The following CSGALNACT1 variants were observed in gnomAD, a reference collection of about 807,000 sequenced individuals.
CSGALNACT1 encodes chondroitin sulfate N-acetylgalactosaminyltransferase 1, also known as beta4GalNAcT-1.
In CSGALNACT1, 52 loss-of-function variants were observed where a neutral mutation model predicts 51.0. That is an observed-to-expected ratio of 1.02 (90% CI 0.82 to 1.29). The LOEUF is 1.29. CSGALNACT1 is among the 50% of genes most tolerant of loss of function. CSGALNACT1 has a pLI of 0.00. For synonymous variants in CSGALNACT1, 341 were observed against 254.4 expected, an observed-to-expected ratio of 1.34 and a Z score of -3.24; for missense variants, 935 against 679.2, an observed-to-expected ratio of 1.38 and a Z score of -4.19.
At chr8:19,500,755 C>T (rs1378714948) in intron 4 of CSGALNACT1, among the ~76,000 whole-genome samples, 4 of 152,178 alleles carry the variant, frequency 2.6e-5, no homozygotes, top group East Asian at 1.9e-4. Flanking sequence ...TGCTTTAAAA[C>T]GTATCTCAAG....
chr8:19,551,963 C>G (rs1191000399), intron 3 of CSGALNACT1, among the ~76,000 whole-genome samples: 1 of 152,108 alleles, frequency 6.6e-6, no homozygotes, highest in Non-Finnish European at 1.5e-5. Context: ...TGGAATAACT[C>G]TCTAAAATAG....
chr8:19,746,448 G>C (rs978523507), intron 1 of CSGALNACT1, among the ~76,000 whole-genome samples: 12 of 152,148 alleles, frequency 7.9e-5, no homozygotes, highest in Admixed American at 1.3e-4. Context: ...ATGAAAATAA[G>C]GAACCTGGGT....
chr8:19,553,001 T>C (rs940930441), intron 3 of CSGALNACT1, among the ~76,000 whole-genome samples: 1 of 152,164 alleles, frequency 6.6e-6, no homozygotes, highest in Non-Finnish European at 1.5e-5. Context: ...CTCAAGCACA[T>C]GACGTCTGCC....
intron 1 of CSGALNACT1, among the ~76,000 whole-genome samples, chr8:19,662,007 G>T (rs1230437777): frequency 1.4e-5 from 2 of 146,164 alleles, no homozygotes; most frequent in Admixed American, 1.4e-4. Flanking sequence ...AAGAGCTGAG[G>T]TATTTTTAAC....
intron 1 of CSGALNACT1, among the ~76,000 whole-genome samples, chr8:19,664,626 TACACACACACAAACACACAAACACACAC>T (rs2059030398): frequency 1.3e-5 from 2 of 150,188 alleles, no homozygotes; most frequent in Non-Finnish European, 3.0e-5. Context: ...TGGATGTATG[TACACACACACAAACACACAAACACACAC>T]ACACACACAC....
chr8:19,523,809 A>G (rs2154033677), intron 3 of CSGALNACT1, among the ~76,000 whole-genome samples: 1 of 152,280 alleles, frequency 6.6e-6, no homozygotes. Context: ...AGTTCTAAAA[A>G]CAATGTTTAT....
intron 1 of CSGALNACT1, among the ~76,000 whole-genome samples, chr8:19,633,074 G>C (rs78187579): frequency 0.024 from 3,587 of 151,976 alleles, 133 homozygotes; most frequent in African/African-American, 0.082. Flanking sequence ...ACCGTGCCCA[G>C]CTGAGGGCTT....
At chr8:19,662,268 A>T (rs576555807) in intron 1 of CSGALNACT1, among the ~76,000 whole-genome samples, 4 of 152,044 alleles carry the variant, frequency 2.6e-5, no homozygotes, top group African/African-American at 9.6e-5. Flanking sequence ...CTGTAATCTC[A>T]GCTACTCAGG....
intron 1 of CSGALNACT1, among the ~76,000 whole-genome samples, chr8:19,648,525 T>A (rs1454288061): frequency 6.6e-6 from 1 of 152,232 alleles, no homozygotes; most frequent in Non-Finnish European, 1.5e-5. Flanking sequence ...GGAAACAACC[T>A]GGCTCGACAC....
intron 2 of CSGALNACT1, among the ~76,000 whole-genome samples, chr8:19,596,918 C>A (rs1457673050): frequency 6.6e-6 from 1 of 152,180 alleles, no homozygotes; most frequent in African/African-American, 2.4e-5. Context: ...CTGCTAAATT[C>A]ATTCACTGTT....
At chr8:19,632,898 G>A (rs2055482668) in intron 1 of CSGALNACT1, among the ~76,000 whole-genome samples, 2 of 151,416 alleles carry the variant, frequency 1.3e-5, no homozygotes, top group African/African-American at 4.8e-5. Context: ...GGGACTACAG[G>A]CTTGCACCAC....
At chr8:19,426,765 G>A (rs921075481) in intron 6 of CSGALNACT1, among the ~76,000 whole-genome samples, 1 of 152,102 alleles carries the variant, frequency 6.6e-6, no homozygotes, top group African/African-American at 2.4e-5. Flanking sequence ...TGTTTCTACA[G>A]GAGATTTAAT....
At chr8:19,429,871 G>A (rs1294933237) in intron 6 of CSGALNACT1, among the ~76,000 whole-genome samples, 1 of 152,180 alleles carries the variant, frequency 6.6e-6, no homozygotes, top group East Asian at 1.9e-4. Flanking sequence ...CAATTTCTCT[G>A]CCTCCTCAGA....
chr8:19,637,848 T>TC (rs1337063098), intron 1 of CSGALNACT1, among the ~76,000 whole-genome samples: 1 of 151,820 alleles, frequency 6.6e-6, no homozygotes, highest in Non-Finnish European at 1.5e-5. Context: ...AGTTTTTTTT[T>TC]TTTTTTTTAA....
chr8:19,482,256 A>C (rs765899988), intron 4 of CSGALNACT1, among the ~76,000 whole-genome samples: 1 of 152,230 alleles, frequency 6.6e-6, no homozygotes, highest in Non-Finnish European at 1.5e-5. Context: ...GGCTAGTGAA[A>C]TTGAGGACAT....
At chr8:19,652,268 T>A (rs1474929091) in intron 1 of CSGALNACT1, among the ~76,000 whole-genome samples, 1 of 152,156 alleles carries the variant, frequency 6.6e-6, no homozygotes, top group Non-Finnish European at 1.5e-5. Flanking sequence ...TACTTTTTAA[T>A]AGCCATTCTC....
chr8:19,455,511 G>A (rs1246411313), intron 5 of CSGALNACT1, among the ~76,000 whole-genome samples: 1 of 152,018 alleles, frequency 6.6e-6, no homozygotes, highest in Non-Finnish European at 1.5e-5. Context: ...TGCTTTTTTG[G>A]TGTGAAATAA....
chr8:19,735,387 A>C (rs1251127944), intron 1 of CSGALNACT1, among the ~76,000 whole-genome samples: 1 of 152,192 alleles, frequency 6.6e-6, no homozygotes. Flanking sequence ...CTGAACAAAT[A>C]CACTTTAAAT....
At chr8:19,535,253 T>G (rs963302342) in intron 3 of CSGALNACT1, among the ~76,000 whole-genome samples, 2 of 152,170 alleles carry the variant, frequency 1.3e-5, no homozygotes, top group Non-Finnish European at 2.9e-5. Flanking sequence ...GAAATCTGGC[T>G]CTCTAGAAGC....
Sources: gnomAD v4.1 joint callset for allele counts (sites outside exome capture counted in the v4.1 genomes callset) on GRCh38, gnomAD v4.1.1 for gene constraint, MANE v1.5 for transcripts, NCBI Gene and HGNC (gene_info 2026-07-23, HGNC 2026-07-21) for gene names.